The following DPP10 variants were observed in gnomAD, a reference collection of about 807,000 sequenced individuals.
DPP10 encodes the protein dipeptidyl peptidase like 10.
DPP10 carries 33 observed loss-of-function variants against 120.9 expected under a neutral mutation model. That is an observed-to-expected ratio of 0.27 (90% CI 0.21 to 0.37). The LOEUF (loss-of-function observed/expected upper bound fraction) is 0.37, where lower values mean the gene tolerates loss of function less well. DPP10 is among the 10% of genes least tolerant of loss of function. The probability of loss-of-function intolerance (pLI) is 1.00; values close to 1 mark genes in which losing one functional copy is unlikely to be tolerated. For missense variants in DPP10, 816 were observed against 942.8 expected (o/e 0.87, Z 1.76); for synonymous variants, 337 against 326.1 (o/e 1.03, Z -0.36).
intron 7 of DPP10, among the ~76,000 whole-genome samples, chr2:115,709,608 C>T (rs966960221): frequency 6.9e-5 from 7 of 101,614 alleles, no homozygotes; most frequent in East Asian, 3.1e-4. Context: ...TGTAGAATTT[C>T]GAAACAGTAT....
chr2:114,847,124 T>C (rs1219742792), intron 1 of DPP10, among the ~76,000 whole-genome samples: 6 of 152,128 alleles, frequency 3.9e-5, no homozygotes, highest in Non-Finnish European at 7.4e-5. Context: ...TCCTCCGGCC[T>C]CAGCCAACCT....
intron 5 of DPP10, among the ~76,000 whole-genome samples, chr2:115,686,093 C>T (rs2090972415): frequency 6.6e-6 from 1 of 151,988 alleles, no homozygotes; most frequent in East Asian, 1.9e-4. Flanking sequence ...CCTGTTTCAG[C>T]TCTTTTACTG....
intron 1 of DPP10, among the ~76,000 whole-genome samples, chr2:115,074,112 A>G (rs1282329921): frequency 6.6e-6 from 1 of 152,164 alleles, no homozygotes; most frequent in Non-Finnish European, 1.5e-5. Context: ...CCTGGATTCA[A>G]ATGATCCTCC....
chr2:115,622,510 C>CTTTTTTTTTTTTTTTTT (rs70941082), intron 5 of DPP10, among the ~76,000 whole-genome samples: 4 of 117,448 alleles, frequency 3.4e-5, no homozygotes, highest in Non-Finnish European at 5.1e-5. Context: ...ATTTTATTGT[C>CTTTTTTTTTTTTTTTTT]TTTTTTTTTT....
At chr2:114,835,711 C>A (rs1687678853) in intron 1 of DPP10, 1 of 152,124 alleles carries the variant, frequency 6.6e-6, no homozygotes, top group African/African-American at 2.4e-5. Flanking sequence ...ACTCCAGAAC[C>A]ATTTGTAAAA....
intron 1 of DPP10, among the ~76,000 whole-genome samples, chr2:115,308,109 G>A (rs1002841996): frequency 6.6e-6 from 1 of 152,000 alleles, no homozygotes; most frequent in Non-Finnish European, 1.5e-5. Context: ...TAAATCTGCC[G>A]GGTTTATGGC....
At chr2:115,207,944 G>A (rs1025641207) in intron 1 of DPP10, among the ~76,000 whole-genome samples, 1 of 152,120 alleles carries the variant, frequency 6.6e-6, no homozygotes, top group Non-Finnish European at 1.5e-5. Context: ...TGGCAAAACT[G>A]GATAGTAGAG....
intron 1 of DPP10, among the ~76,000 whole-genome samples, chr2:115,284,964 A>G (rs554610273): frequency 1.5e-4 from 23 of 152,172 alleles, no homozygotes; most frequent in African/African-American, 5.5e-4. Context: ...AGCATCTAAG[A>G]TATGGATGTG....
intron 4 of DPP10, among the ~76,000 whole-genome samples, chr2:115,519,054 G>T (rs1232289676): frequency 6.6e-6 from 1 of 152,030 alleles, no homozygotes; most frequent in Non-Finnish European, 1.5e-5. Flanking sequence ...TCTTTCATCA[G>T]CCCATAACTT....
chr2:114,631,235 A>G (rs1023743696), intron 1 of DPP10, among the ~76,000 whole-genome samples: 3 of 152,076 alleles, frequency 2.0e-5, no homozygotes, highest in African/African-American at 7.2e-5. Flanking sequence ...GAGCTGGAAG[A>G]GGTCATTTGC....
chr2:115,018,011 A>G (rs562855911), intron 1 of DPP10, among the ~76,000 whole-genome samples: 235 of 152,244 alleles, frequency 1.5e-3, no homozygotes, highest in Non-Finnish European at 2.1e-3. Context: ...ATAATAAAAA[A>G]AAAAAGAGAA....
intron 1 of DPP10, among the ~76,000 whole-genome samples, chr2:115,117,041 C>G (rs2049547667): frequency 6.6e-6 from 1 of 152,158 alleles, no homozygotes; most frequent in African/African-American, 2.4e-5. Context: ...GTTTCTTAAA[C>G]ATGTTCATAT....
chr2:115,129,827 G>C (rs1036692887), intron 1 of DPP10, among the ~76,000 whole-genome samples: 7 of 152,116 alleles, frequency 4.6e-5, no homozygotes, highest in African/African-American at 1.7e-4. Flanking sequence ...TAGTGATTCA[G>C]AATACGCATT....
intron 1 of DPP10, among the ~76,000 whole-genome samples, chr2:115,038,854 T>A (rs1704429420): frequency 6.6e-6 from 1 of 152,172 alleles, no homozygotes; most frequent in Admixed American, 6.5e-5. Context: ...AATACGTATC[T>A]CTTTCATCAG....
rs191285059 is a variant in DPP10 at position 115,607,826 on chromosome 2, C to T, written c.441+81854C>T. 8.7e-3 allele frequency among the ~76,000 whole-genome samples: 1,328 copies of T among 152,070 alleles called. 15 individuals carry two copies. The highest frequency in any genetic ancestry group is 0.029 in the African/African-American group (1,211 of 41,466). Reference sequence around the variant, plus strand: ...AAGGAAGTAGACGCCTGGGTGGAAACGACATACATTATATCCCAGGAAACA... The same window carrying T: ...AAGGAAGTAGACGCCTGGGTGGAAATGACATACATTATATCCCAGGAAACA... On this transcript the variant is annotated intron_variant, in intron 5 of 25. Transcript: ENST00000410059.
chr2:114,921,481 T>C lies in DPP10; in HGVS notation c.61-387758T>C, dbSNP rs910549123. On this transcript the variant is annotated intron_variant, in intron 1 of 25. Transcript: ENST00000410059. ...TTCAAATTACATTATAAAATGTTCATCCCAGTTATATACATTCATATTATT... is the reference window on the plus strand; with the variant it reads ...TTCAAATTACATTATAAAATGTTCACCCCAGTTATATACATTCATATTATT... Among the ~76,000 whole-genome samples, 103 of 152,226 alleles carry C rather than the reference T, an allele frequency of 6.8e-4. 1 individual carries two copies. Among genetic ancestry groups the C allele is most frequent in the Admixed American group, 6.7e-3 (102 of 15,282 alleles).
intron 1 of DPP10, among the ~76,000 whole-genome samples, chr2:115,194,294 G>A (rs565904501): frequency 2.0e-5 from 3 of 151,912 alleles, no homozygotes; most frequent in East Asian, 1.9e-4. Flanking sequence ...GCGTGATCTC[G>A]GCTCACCGCA....
At chr2:115,157,875 C>A (rs2052029745) in intron 1 of DPP10, among the ~76,000 whole-genome samples, 1 of 152,144 alleles carries the variant, frequency 6.6e-6, no homozygotes, top group African/African-American at 2.4e-5. Flanking sequence ...CTAGGGAAAT[C>A]CCCATCAAGG....
intron 1 of DPP10, among the ~76,000 whole-genome samples, chr2:114,450,758 G>A (rs1450163861): frequency 2.0e-5 from 3 of 151,702 alleles, no homozygotes; most frequent in East Asian, 1.9e-4. Flanking sequence ...TGCATTATGA[G>A]CGTTTTTCTA....
Sources: allele counts gnomAD v4.1 joint callset (sites outside exome capture counted in the v4.1 genomes callset), GRCh38; gene constraint gnomAD v4.1.1; transcripts MANE v1.5; gene names NCBI Gene and HGNC (gene_info 2026-07-23, HGNC 2026-07-21).